PRKG1: variants seen among roughly 807,000 people sequenced by gnomAD.
PRKG1 encodes cGMP-dependent protein kinase 1.
A neutral mutation model predicts 88.1 loss-of-function variants in PRKG1; 35 were observed. The observed-to-expected ratio is 0.40, with a 90% CI of 0.30 to 0.53. The LOEUF (loss-of-function observed/expected upper bound fraction) is 0.53, where lower values mean the gene tolerates loss of function less well. PRKG1 is among the 20% of genes least tolerant of loss of function. The pLI is 0.59. For synonymous variants in PRKG1, 303 were observed against 292.5 expected (o/e 1.04, Z -0.37); for missense variants, 540 against 839.8 (o/e 0.64, Z 4.41).
At chr10:51,672,304 C>T (rs987141655) in intron 3 of PRKG1, among the ~76,000 whole-genome samples, 2 of 151,964 alleles carry the variant, frequency 1.3e-5, no homozygotes, top group Admixed American at 1.3e-4. Context: ...CTCCTTAACT[C>T]TGTATTTTAT....
intron 3 of PRKG1, among the ~76,000 whole-genome samples, chr10:51,641,137 C>A (rs1425802345): frequency 6.6e-6 from 1 of 151,872 alleles, no homozygotes; most frequent in Non-Finnish European, 1.5e-5. Flanking sequence ...AAATGACTTC[C>A]AAGATTAAAA....
At chr10:50,997,045 G>GCTTT (rs974112137) in intron 1 of PRKG1, among the ~76,000 whole-genome samples, 1 of 152,148 alleles carries the variant, frequency 6.6e-6, no homozygotes, top group African/African-American at 2.4e-5. Flanking sequence ...CTTCATACAT[G>GCTTT]CTTTCAGTCA....
chr10:51,200,906 C>G (rs1327215737), intron 2 of PRKG1, among the ~76,000 whole-genome samples: 1 of 152,122 alleles, frequency 6.6e-6, no homozygotes, highest in Non-Finnish European at 1.5e-5. Context: ...TTGACTACAG[C>G]TCAGAGATTC....
Position 52,293,876 on chromosome 10 carries a change from C to T in PRKG1, c.2037C>T (p.Asn679=), listed in dbSNP as rs1322320716. 4.3e-6 allele frequency: 7 copies of T among 1,611,916 alleles called. No individual in the cohort carries two copies. The highest frequency in any genetic ancestry group is 5.9e-6 in the Non-Finnish European group (7 of 1,178,348). Residue 679 remains asparagine, a synonymous_variant, in exon 18 of 18, where the codon AAC becomes AAT. Coordinates refer to ENST00000373980, the MANE Select transcript of PRKG1 (RefSeq NM_006258.4). The stretch of plus-strand genomic sequence containing the variant: ...ACGATGAACCACCACCTGATGACAA[C>T]TCAGGATGGGATATAGACTTCTAAT... ...EDNDEPPPDD[N]SGWDIDF is the part of the protein sequence containing the mutation.
rs1392244670 is a variant in PRKG1 at position 51,861,386 on chromosome 10, GCACTGTAA to G, written c.699-46117_699-46110del. The stretch of plus-strand genomic sequence containing the variant: ...CTCTACTCCAACAGTGTCTTTCTCA[GCACTGTAA>G]CACAGCAGGTAGTTATAAAAAATCA... On this transcript the variant is annotated intron_variant, in intron 4 of 17. Coordinates refer to ENST00000373980, the MANE Select transcript of PRKG1 (RefSeq NM_006258.4). Among the ~76,000 whole-genome samples, 4 of 152,168 alleles carry G rather than the reference GCACTGTAA, an allele frequency of 2.6e-5. No individual in the cohort carries two copies. In the East Asian group the frequency reaches 7.7e-4, roughly 29 times the overall value.
At chr10:51,274,065 A>T (rs958984267) in intron 2 of PRKG1, among the ~76,000 whole-genome samples, 5 of 152,178 alleles carry the variant, frequency 3.3e-5, no homozygotes, top group Admixed American at 1.3e-4. Flanking sequence ...AATACCATTC[A>T]TGTAGAGCCC....
intron 9 of PRKG1, among the ~76,000 whole-genome samples, chr10:52,168,773 T>C (rs1006201014): frequency 1.9e-4 from 28 of 150,688 alleles, no homozygotes; most frequent in Non-Finnish European, 8.8e-5. Flanking sequence ...GAAATAGATA[T>C]AGGTGGTGAA....
intron 3 of PRKG1, among the ~76,000 whole-genome samples, chr10:51,655,789 G>C (rs943194742): frequency 6.6e-6 from 1 of 152,116 alleles, no homozygotes; most frequent in Non-Finnish European, 1.5e-5. Flanking sequence ...GGAGACACCA[G>C]TAACCTAACT....
chr10:51,671,776 C>T lies in PRKG1; in HGVS notation c.593-132809C>T, dbSNP rs143330740. ...TAATTTTTTGTATTTTTTGTAGGGA[C>T]GGGGTTTCACTGTGTTAGCCAGGAT... On this transcript the variant is annotated intron_variant, in intron 3 of 17. Coordinates refer to ENST00000373980, the MANE Select transcript of PRKG1 (RefSeq NM_006258.4). Among the ~76,000 whole-genome samples the T allele has an allele frequency of 6.6e-3, 997 of 152,024 alleles. 8 individuals carry two copies. Among genetic ancestry groups the T allele is most frequent in the Middle Eastern group, 0.02 (6 of 294 alleles).
chr10:51,980,411 T>C (rs564119406), intron 5 of PRKG1, among the ~76,000 whole-genome samples: 1 of 152,296 alleles, frequency 6.6e-6, no homozygotes, highest in East Asian at 1.9e-4. Flanking sequence ...ATGTGATTGA[T>C]TTTACAATAT....
Position 52,271,386 on chromosome 10 carries a change from A to G in PRKG1, c.1210A>G (p.Met404Val). The G allele has an allele frequency of 1.9e-6, 3 of 1,612,778 alleles. No individual in the cohort carries two copies. Among genetic ancestry groups the G allele is most frequent in the Non-Finnish European group, 1.7e-6 (2 of 1,179,206 alleles). The change falls in exon 11 of 18, where the codon ATG becomes GTG. Residue 404 changes from methionine to valine, a missense_variant. By Grantham distance (21) the Met-to-Val change is conservative. Transcript: ENST00000373980. ...AAGTGAAGAATCCAAAACGTTTGCA[A>G]TGAAGATTCTCAAGAAACGTCACAT... ...LKSEESKTFA[M>V]KILKKRHIVD...
chr10:51,356,464 C>A (rs1842369020), intron 2 of PRKG1, among the ~76,000 whole-genome samples: 1 of 151,940 alleles, frequency 6.6e-6, no homozygotes, highest in Non-Finnish European at 1.5e-5. Context: ...ATTCTTTATG[C>A]TATTGGCCCT....
At chr10:51,824,827 C>G (rs1391679265) in intron 4 of PRKG1, among the ~76,000 whole-genome samples, 1 of 151,990 alleles carries the variant, frequency 6.6e-6, no homozygotes, top group Non-Finnish European at 1.5e-5. Flanking sequence ...GGGAGATCAC[C>G]AAGCTATTCA....
chr10:51,581,932 A>C (rs959884617), intron 3 of PRKG1, among the ~76,000 whole-genome samples: 4 of 148,880 alleles, frequency 2.7e-5, no homozygotes, highest in Non-Finnish European at 5.9e-5. Flanking sequence ...GAATAAGTAC[A>C]TTAAAAAAAA....
chr10:51,937,106 A>C (rs1842814557), intron 5 of PRKG1, among the ~76,000 whole-genome samples: 1 of 152,004 alleles, frequency 6.6e-6, no homozygotes, highest in Admixed American at 6.6e-5. Context: ...TAAGAAAATT[A>C]CAGAAACAAA....
rs188077832 is a variant in PRKG1 at position 51,515,486 on chromosome 10, C to G, written c.592+47650C>G. Among the ~76,000 whole-genome samples the G allele has an allele frequency of 1.4e-4, 21 of 152,280 alleles. 1 individual carries two copies. The East Asian group carries it at 1.7e-3, about 13-fold the overall frequency. On this transcript the variant is annotated intron_variant, in intron 3 of 17. Coordinates refer to ENST00000373980, the MANE Select transcript of PRKG1 (RefSeq NM_006258.4). ...GAATGAGACACGTGAAATCTTAGTA[C>G]TATTCAACCTGAAAATTTTTTGCTC...
intron 2 of PRKG1, among the ~76,000 whole-genome samples, chr10:51,234,481 A>G (rs998253717): frequency 7.9e-5 from 12 of 152,164 alleles, no homozygotes; most frequent in African/African-American, 2.9e-4. Context: ...AAATAAACCA[A>G]TAAAAATCAG....
chr10:51,283,120 G>A (rs1347894713), intron 2 of PRKG1, among the ~76,000 whole-genome samples: 1 of 151,844 alleles, frequency 6.6e-6, no homozygotes, highest in South Asian at 2.1e-4. Context: ...TCCCCCAAAA[G>A]CAAACAAAAA....
chr10:51,497,990 T>C (rs914747867), intron 3 of PRKG1, among the ~76,000 whole-genome samples: 2 of 152,158 alleles, frequency 1.3e-5, no homozygotes, highest in Non-Finnish European at 2.9e-5. Context: ...TGTCCTTATC[T>C]CTCAAGTCTG....
Sources: allele counts gnomAD v4.1 joint callset (sites outside exome capture counted in the v4.1 genomes callset), GRCh38; gene constraint gnomAD v4.1.1; transcripts MANE v1.5; gene names NCBI Gene and HGNC (gene_info 2026-07-23, HGNC 2026-07-21).